The following TRIM25 variants were observed in gnomAD, a reference collection of about 807,000 sequenced individuals.
The protein encoded by TRIM25 is E3 ubiquitin/ISG15 ligase TRIM25.
Under a neutral mutation model 65.2 loss-of-function variants are expected in TRIM25, and 45 were observed. The observed-to-expected ratio is 0.69, with a 90% confidence interval of 0.54 to 0.89. TRIM25 has a LOEUF of 0.89. Among genes scored for constraint, TRIM25 ranks in the 40% least tolerant of loss-of-function variants. The pLI is 0.00. For missense variants in TRIM25, 714 were observed against 803.7 expected, an observed-to-expected ratio of 0.89 and a Z score of 1.35; for synonymous variants, 321 against 340.4, an observed-to-expected ratio of 0.94 and a Z score of 0.63.
Position 56,891,193 on chromosome 17 carries a change from A to G in TRIM25, c.*507T>C. ...CTCAAGCACAGATAATAACCAGGAG[A>G]TCAAGCCCCAACATGCGGGTAATGG... On this transcript the variant is annotated 3_prime_UTR_variant, in exon 9 of 9. Transcript: ENST00000316881. The G allele has an allele frequency of 2.9e-6, 1 of 345,180 alleles. No homozygotes were observed. Among genetic ancestry groups the G allele is most frequent in the Non-Finnish European group, 5.7e-6 (1 of 174,542 alleles). The allele number at this position is 345,180 out of a possible 1,614,324, so 21.4% of individuals were successfully genotyped here.
intron 5 of TRIM25, 139 bp downstream of exon 5, chr17:56,898,976 A>G (rs2525995): frequency 0.75 from 667,367 of 884,112 alleles, 253,138 homozygotes; most frequent in African/African-American, 0.9. Flanking sequence ...AGCCCCCCGC[A>G]GTGGGGACTG....
chr17:56,891,442 A>G lies in TRIM25; in HGVS notation c.*258T>C. Reference sequence around the variant, plus strand: ...TCTGCCCAGCTGCCCAGCAGCCTGGAGATTTCCAGAACAATGGGGAGTAGG... The same window carrying G: ...TCTGCCCAGCTGCCCAGCAGCCTGGGGATTTCCAGAACAATGGGGAGTAGG... On this transcript the variant is annotated 3_prime_UTR_variant, in exon 9 of 9. Coordinates refer to ENST00000316881, the MANE Select transcript of TRIM25 (RefSeq NM_005082.5). The G allele has an allele frequency of 2.0e-6, 1 of 501,134 alleles. No individual in the cohort carries two copies. The allele number at this position is 501,134 out of a possible 1,614,324, so 31.0% of individuals were successfully genotyped here.
intron 4 of TRIM25, among the ~76,000 whole-genome samples, chr17:56,901,072 A>G (rs1909400169): frequency 6.6e-6 from 1 of 151,936 alleles, no homozygotes; most frequent in Non-Finnish European, 1.5e-5. Context: ...GGAATTCTAG[A>G]TTTCTCCCCC....
At position 56,892,059 on chromosome 17, in the gene TRIM25, G is replaced by A. The variant is rs141499024; in HGVS notation, c.1534C>T (p.His512Tyr). 1 of 1,614,184 alleles carries A rather than the reference G, an allele frequency of 6.2e-7. No homozygotes were observed. Among genetic ancestry groups the A allele is most frequent in the African/African-American group, 1.3e-5 (1 of 75,050 alleles). ...TTCTGCAGCTCCACCTCCCAGTAGT[G>A]GATCCCCTTCTTGTAGCAGTGCAGG... is the stretch of plus-strand genomic sequence containing the variant. ...LGLHCYKKGI[H>Y]YWEVELQKNN... is the part of the protein sequence containing the mutation. The change falls in exon 9 of 9, where the codon CAC becomes TAC. Residue 512 changes from histidine (H) to tyrosine (Y), a missense_variant. Coordinates refer to ENST00000316881, the MANE Select transcript of TRIM25 (RefSeq NM_005082.5).
chr17:56,899,656 C>T (rs536553844), intron 4 of TRIM25, among the ~76,000 whole-genome samples: 6 of 152,230 alleles, frequency 3.9e-5, no homozygotes, highest in African/African-American at 7.2e-5. Context: ...GCACCGCCAC[C>T]GATTTCAGAA....
Position 56,901,557 on chromosome 17 carries a change from T to C in TRIM25, c.949A>G (p.Ile317Val). ...FLEKASKLRG[I>V]STKPVYIPEV... ...GGGATGTAGACTGGCTTTGTTGAGATTCCTCGCAGTTTTGATGCTTTCTGG... is the reference window on the plus strand; with the variant it reads ...GGGATGTAGACTGGCTTTGTTGAGACTCCTCGCAGTTTTGATGCTTTCTGG... Residue 317 changes from isoleucine to valine, a missense_variant, in exon 4 of 9, where the codon ATC becomes GTC. Physicochemically the swap from Ile to Val is conservative, Grantham distance 29. Transcript: ENST00000316881. 1 of 1,614,056 alleles carries C rather than the reference T, an allele frequency of 6.2e-7. No individual in the cohort carries two copies. Among genetic ancestry groups the C allele is most frequent in the Non-Finnish European group, 8.5e-7 (1 of 1,179,984 alleles).
Position 56,890,651 on chromosome 17 carries a change from C to T in TRIM25, c.*1049G>A, listed in dbSNP as rs553561306. 4.4e-6 allele frequency: 2 copies of T among 456,712 alleles called. No individual in the cohort carries two copies. The highest frequency in any genetic ancestry group is 3.1e-5 in the South Asian group (2 of 64,562). The allele number at this position is 456,712 out of a possible 1,614,324, so 28.3% of individuals were successfully genotyped here. A position where few individuals can be genotyped will look rare whatever the true frequency, so the allele number is the denominator to read the frequency against. ...ATGATAGCAGGCTTCAGGGATCCAG[C>T]TTAGCTGGAGGCTTGACTGTGCTAG... On this transcript the variant is annotated 3_prime_UTR_variant, in exon 9 of 9. Transcript: ENST00000316881.
At chr17:56,903,606 C>T (rs1909456452) in intron 3 of TRIM25, among the ~76,000 whole-genome samples, 2 of 152,096 alleles carry the variant, frequency 1.3e-5, no homozygotes, top group Admixed American at 6.5e-5. Flanking sequence ...CCCTCCCCTT[C>T]AGTATCGGCA....
intron 5 of TRIM25, 146 bp downstream of exon 5, chr17:56,898,969 C>T: frequency 1.2e-6 from 1 of 806,288 alleles, no homozygotes; most frequent in Non-Finnish European, 2.0e-6. Flanking sequence ...GCCCTACAGC[C>T]CCCCGCAGTG....
In TRIM25 at chr17:56,901,558, T is replaced by C; in HGVS notation, c.948A>G (p.Gly316=). The change falls in exon 4 of 9, where the codon GGA becomes GGG. Residue 316 remains glycine (G), a synonymous_variant. Transcript: ENST00000316881. The part of the protein sequence containing the change: ...EFLEKASKLR[G]ISTKPVYIPE... ...GGATGTAGACTGGCTTTGTTGAGATTCCTCGCAGTTTTGATGCTTTCTGGA... is the reference window on the plus strand; with the variant it reads ...GGATGTAGACTGGCTTTGTTGAGATCCCTCGCAGTTTTGATGCTTTCTGGA... 6.2e-7 allele frequency: 1 copy of C among 1,614,118 alleles called. No homozygotes were observed. Among genetic ancestry groups the C allele is most frequent in the Non-Finnish European group, 8.5e-7 (1 of 1,180,020 alleles).
rs368866622 is a variant in TRIM25, at chr17:56,913,564, T to C, written c.425A>G (p.Asp142Gly). 1 of 1,613,182 alleles carries C rather than the reference T, an allele frequency of 6.2e-7. No individual in the cohort carries two copies. The highest frequency in any genetic ancestry group is 2.2e-5 in the East Asian group (1 of 44,862). ...QPHFDSPAFQDHPLQPPVRDL... is the reference protein window; with the variant it reads ...QPHFDSPAFQGHPLQPPVRDL... ...GCGAACGGGCGGCTGCAGCGGGTGGTCCTGGAAGGCGGGGCTGTCGAAGTG... is the reference window on the plus strand; with the variant it reads ...GCGAACGGGCGGCTGCAGCGGGTGGCCCTGGAAGGCGGGGCTGTCGAAGTG... Residue 142 changes from aspartate to glycine, a missense_variant, in exon 1 of 9, where the codon GAC becomes GGC. Physicochemically the swap from Asp to Gly is moderately conservative, Grantham distance 94. Coordinates refer to ENST00000316881, the MANE Select transcript of TRIM25 (RefSeq NM_005082.5). This position sits in a 1 kb window ranked among gnomAD's most constrained non-coding sequence, Gnocchi z 6.1.
At chr17:56,895,852 C>A (rs1365644686) in intron 6 of TRIM25, 74 bp downstream of exon 6, 10 of 1,564,180 alleles carry the variant, frequency 6.4e-6, no homozygotes, top group Non-Finnish European at 8.7e-6. Flanking sequence ...GAGAGGTCGA[C>A]TCTCACTACC....
At position 56,903,268 on chromosome 17, in the gene TRIM25, C is replaced by T. The variant is rs148571746; in HGVS notation, c.927+987G>A. ...ATACAAAATTAGCTGGGCATGGTGG[C>T]GTGCGCCTGTAATCCCAGCTACTCA... On this transcript the variant is annotated intron_variant, in intron 3 of 8. Coordinates refer to ENST00000316881, the MANE Select transcript of TRIM25 (RefSeq NM_005082.5). Among the ~76,000 whole-genome samples the T allele has an allele frequency of 2.6e-3, 392 of 152,202 alleles. 8 individuals are homozygous for T. The highest frequency in any genetic ancestry group is 0.022 in the Admixed American group (332 of 15,294).
rs915996176 is a variant in TRIM25 at position 56,891,510 on chromosome 17, C to T, written c.*190G>A. On this transcript the variant is annotated 3_prime_UTR_variant, in exon 9 of 9. Transcript: ENST00000316881. ...GCACCAGGGGGTGGAAACGCCTCCT[C>T]GCCCACAACACAATCACTCTCACCC... 4.8e-5 allele frequency: 36 copies of T among 746,854 alleles called. No individual in the cohort carries two copies. The highest frequency in any genetic ancestry group is 8.9e-5 in the African/African-American group (5 of 56,456). The allele number at this position is 746,854 out of a possible 1,614,324, so 46.3% of individuals were successfully genotyped here. A position where few individuals can be genotyped will look rare whatever the true frequency, so the allele number is the denominator to read the frequency against.
In TRIM25 at chr17:56,890,540, G is replaced by T; in HGVS notation, c.*1160C>A. The T allele has an allele frequency of 2.2e-6, 1 of 453,538 alleles. No homozygotes were observed. The highest frequency in any genetic ancestry group is 4.4e-6 in the Non-Finnish European group (1 of 226,278). The allele number at this position is 453,538 out of a possible 1,614,324, so 28.1% of individuals were successfully genotyped here. ...ACAGGAATGTTCCTGTTCCCCATGA[G>T]GTTTGCTAAAAGACCCCTTTGGTGG... On this transcript the variant is annotated 3_prime_UTR_variant, in exon 9 of 9. Transcript: ENST00000316881.
chr17:56,905,535 A>G (rs1239675977), intron 2 of TRIM25, among the ~76,000 whole-genome samples: 2 of 152,222 alleles, frequency 1.3e-5, no homozygotes, highest in African/African-American at 4.8e-5. Context: ...CCATGAGTGT[A>G]AAATACATAC....
intron 2 of TRIM25, among the ~76,000 whole-genome samples, chr17:56,907,233 AGTT>A (rs1264359473): frequency 6.6e-6 from 1 of 152,244 alleles, no homozygotes; most frequent in African/African-American, 2.4e-5. Flanking sequence ...TTGGACTGTC[AGTT>A]GGTAAAATAA....
In TRIM25 at chr17:56,913,347, C is replaced by T. The variant is rs996386685; in HGVS notation, c.597+45G>A. The T allele has an allele frequency of 6.7e-7, 1 of 1,497,822 alleles. No individual in the cohort carries two copies. Among genetic ancestry groups the T allele is most frequent in the African/African-American group, 1.4e-5 (1 of 71,000 alleles). The allele number at this position is 1,497,822 out of a possible 1,614,324, so 92.8% of individuals were successfully genotyped here. A position where few individuals can be genotyped will look rare whatever the true frequency, so the allele number is the denominator to read the frequency against. On this transcript the variant is annotated intron_variant, in intron 1 of 8. Transcript: ENST00000316881. The surrounding 1 kb of genome is among the most constrained non-coding windows in gnomAD (Gnocchi z 6.1). ...GCCCCCGGTGGCCCCTCTGCACCAC[C>T]CATCAGGCCAGGCTGCCCTCTGCAC...
intron 4 of TRIM25, among the ~76,000 whole-genome samples, chr17:56,899,627 G>C (rs1598074166): frequency 6.6e-6 from 1 of 152,180 alleles, no homozygotes; most frequent in East Asian, 1.9e-4. Flanking sequence ...CCCCCACGCA[G>C]CACTTCCACA....
Sources: allele counts gnomAD v4.1 joint callset (sites outside exome capture counted in the v4.1 genomes callset), GRCh38; gene constraint gnomAD v4.1.1; non-coding constraint Gnocchi (gnomAD v3.1); transcripts MANE v1.5; gene names NCBI Gene and HGNC (gene_info 2026-07-23, HGNC 2026-07-21).